The following LURAP1L variants were observed in gnomAD, a reference collection of about 807,000 sequenced individuals.
LURAP1L encodes leucine rich adaptor protein 1 like.
Under a neutral mutation model 13.8 loss-of-function variants are expected in LURAP1L, and 12 were observed. That is an observed-to-expected ratio of 0.87 (90% CI 0.56 to 1.41). LURAP1L has a LOEUF of 1.41. Ranked by LOEUF, LURAP1L falls within the 40% of genes most tolerant of loss-of-function variation. The probability of loss-of-function intolerance (pLI) is 0.00; values close to 1 mark genes in which losing one functional copy is unlikely to be tolerated. For missense variants in LURAP1L, 375 were observed against 292.9 expected, an observed-to-expected ratio of 1.28 and a Z score of -2.04; for synonymous variants, 139 against 119.2, an observed-to-expected ratio of 1.17 and a Z score of -1.08.
chr9:12,776,130 G>T, intron 1 of LURAP1L, 103 bp downstream of exon 1: 1 of 1,212,106 alleles, frequency 8.3e-7, no homozygotes, highest in South Asian at 1.3e-5. Context: ...GGGCTGCAGA[G>T]CGGAGCGCTG....
At chr9:12,806,102 G>A (rs1819652911) in intron 1 of LURAP1L, among the ~76,000 whole-genome samples, 1 of 152,126 alleles carries the variant, frequency 6.6e-6, no homozygotes. Flanking sequence ...TGCACCTTTA[G>A]GGCAACCTTC....
chr9:12,786,535 GTATATATATGACATATATA>G (rs1819353011), intron 1 of LURAP1L, among the ~76,000 whole-genome samples: 2 of 38,294 alleles, frequency 5.2e-5, no homozygotes, highest in South Asian at 2.0e-3. Flanking sequence ...TGGCTAACAT[GTATATATATGACATATATA>G]TATATATATA....
intron 1 of LURAP1L, among the ~76,000 whole-genome samples, chr9:12,804,282 C>G (rs1467982324): frequency 6.6e-6 from 1 of 151,858 alleles, no homozygotes; most frequent in Non-Finnish European, 1.5e-5. Context: ...CCGTATTGGC[C>G]CCATCTACAT....
chr9:12,777,728 T>A (rs1481817383), intron 1 of LURAP1L: 1 of 265,420 alleles, frequency 3.8e-6, no homozygotes, highest in Non-Finnish European at 5.8e-6. Flanking sequence ...CAAGGAATGA[T>A]TGGTATGTAT....
chr9:12,784,762 T>C (rs1819326392), intron 1 of LURAP1L, among the ~76,000 whole-genome samples: 1 of 151,798 alleles, frequency 6.6e-6, no homozygotes, highest in Non-Finnish European at 1.5e-5. Flanking sequence ...TCTAAACTTG[T>C]ATTTTTCCCT....
chr9:12,821,691 C>T lies in LURAP1L; in HGVS notation c.618C>T (p.Ser206=), dbSNP rs186696089. The change falls in exon 2 of 2, where the codon TCC becomes TCT. Residue 206 remains serine (S), a synonymous_variant. Transcript: ENST00000319264. Reference sequence around the variant, plus strand: ...ACTTGGACCAATTCAGTGACAGCTCCCTCATAGAGGACTCACAGGCACTAC... The same window carrying T: ...ACTTGGACCAATTCAGTGACAGCTCTCTCATAGAGGACTCACAGGCACTAC... ...PSDLDQFSDS[S]LIEDSQALHK... is the part of the protein sequence containing the mutation. The T allele has an allele frequency of 2.8e-5, 46 of 1,614,154 alleles. No homozygotes were observed. In the African/African-American group the frequency reaches 4.8e-4, roughly 17 times the overall value.
intron 1 of LURAP1L, among the ~76,000 whole-genome samples, chr9:12,810,498 AC>A (rs887507856): frequency 2.0e-5 from 3 of 152,146 alleles, no homozygotes; most frequent in African/African-American, 7.2e-5. Context: ...GGGAGTGATG[AC>A]TTCTTAGCCC....
chr9:12,775,797 C>T lies in LURAP1L; in HGVS notation c.82C>T (p.Leu28Phe). The T allele has an allele frequency of 1.2e-6, 2 of 1,609,990 alleles. No homozygotes were observed. The highest frequency in any genetic ancestry group is 1.7e-6 in the Non-Finnish European group (2 of 1,178,804). Residue 28 changes from leucine to phenylalanine, a missense_variant, in exon 1 of 2, where the codon CTC (leucine) becomes TTC (phenylalanine). Transcript: ENST00000319264. Reference protein sequence around the residue: ...RKVPESLVRSLRGEEPVPRER... With the variant: ...RKVPESLVRSFRGEEPVPRER... The stretch of plus-strand genomic sequence containing the variant: ...AGTACCCGAGAGTCTAGTGCGCTCT[C>T]TCCGTGGGGAGGAGCCGGTTCCCAG...
chr9:12,780,736 T>C (rs1819257742), intron 1 of LURAP1L, among the ~76,000 whole-genome samples: 2 of 57,496 alleles, frequency 3.5e-5, no homozygotes, highest in Admixed American at 2.0e-4. Flanking sequence ...AAAAATATTG[T>C]TTCTTTTTTT....
intron 1 of LURAP1L, among the ~76,000 whole-genome samples, chr9:12,801,161 T>C (rs1819580595): frequency 2.0e-5 from 3 of 152,122 alleles, no homozygotes; most frequent in South Asian, 2.1e-4. Context: ...AAGCAGAGAA[T>C]GTGGCCTCTT....
At chr9:12,807,020 C>CAAAAA (rs71329888) in intron 1 of LURAP1L, among the ~76,000 whole-genome samples, 22 of 21,866 alleles carry the variant, frequency 1.0e-3, no homozygotes, top group East Asian at 3.3e-3. Context: ...GACTCCGTCT[C>CAAAAA]AAAAAAAAAA....
At chr9:12,820,710 A>G (rs186585477) in intron 1 of LURAP1L, among the ~76,000 whole-genome samples, 1 of 152,280 alleles carries the variant, frequency 6.6e-6, no homozygotes, top group Admixed American at 6.5e-5. Flanking sequence ...GATTCAGGGA[A>G]TATTAGAGCA....
intron 1 of LURAP1L, among the ~76,000 whole-genome samples, chr9:12,791,237 G>A (rs898110689): frequency 1.3e-5 from 2 of 152,062 alleles, no homozygotes; most frequent in African/African-American, 2.4e-5. Context: ...TTAAGGAATC[G>A]ACCTGTTTTT....
intron 1 of LURAP1L, among the ~76,000 whole-genome samples, chr9:12,817,341 T>C (rs927890784): frequency 6.6e-6 from 1 of 152,160 alleles, no homozygotes; most frequent in African/African-American, 2.4e-5. Context: ...CAGCACCTAC[T>C]TGTGTGAGAT....
intron 1 of LURAP1L, among the ~76,000 whole-genome samples, chr9:12,804,876 C>T (rs950362203): frequency 3.9e-5 from 6 of 151,940 alleles, no homozygotes; most frequent in Non-Finnish European, 7.4e-5. Context: ...GGGACTCTGG[C>T]GACTCACTAC....
intron 1 of LURAP1L, among the ~76,000 whole-genome samples, chr9:12,811,824 C>A (rs1035281228): frequency 3.3e-5 from 5 of 152,174 alleles, no homozygotes; most frequent in African/African-American, 9.7e-5. Flanking sequence ...AGTCTGGGCA[C>A]AGATCAAGTG....
chr9:12,819,301 GT>G (rs1028427605), intron 1 of LURAP1L, among the ~76,000 whole-genome samples: 2 of 152,102 alleles, frequency 1.3e-5, no homozygotes, highest in Non-Finnish European at 2.9e-5. Flanking sequence ...TGTACTTTAT[GT>G]TTTTTGTATT....
At chr9:12,807,609 CTTGT>C (rs1304754802) in intron 1 of LURAP1L, among the ~76,000 whole-genome samples, 1 of 152,044 alleles carries the variant, frequency 6.6e-6, no homozygotes, top group African/African-American at 2.4e-5. Flanking sequence ...ATAATTGGGT[CTTGT>C]TTGTTTATCC....
intron 1 of LURAP1L, among the ~76,000 whole-genome samples, chr9:12,799,828 C>T (rs1030014808): frequency 6.9e-6 from 1 of 145,124 alleles, no homozygotes; most frequent in African/African-American, 2.6e-5. Flanking sequence ...GAGCTGAGAT[C>T]GTGCCACTGC....
Sources: gnomAD v4.1 joint callset for allele counts (sites outside exome capture counted in the v4.1 genomes callset) on GRCh38, gnomAD v4.1.1 for gene constraint, MANE v1.5 for transcripts, NCBI Gene and HGNC (gene_info 2026-07-23, HGNC 2026-07-21) for gene names.